TRIM5: variants seen among roughly 807,000 people sequenced by gnomAD.
TRIM5 encodes the protein tripartite motif-containing protein 5.
TRIM5 carries 31 observed loss-of-function variants against 35.6 expected under a neutral mutation model. The observed-to-expected ratio is 0.87, with a 90% confidence interval of 0.65 to 1.18. TRIM5 has a LOEUF of 1.18. TRIM5 is among the 50% of genes most tolerant of loss of function. The probability of loss-of-function intolerance (pLI) is 0.00; values close to 1 mark genes in which losing one functional copy is unlikely to be tolerated. For synonymous variants in TRIM5, 243 were observed against 215.6 expected (o/e 1.13, Z -1.11); for missense variants, 609 against 591.6 (o/e 1.03, Z -0.31).
the TRIM5 span, chr11:5,642,756 T>C: frequency 3.2e-5 from 52 of 1,604,212 alleles, 1 homozygote; most frequent in Admixed American, 1.0e-4. Flanking sequence ...AAAGAATATA[T>C]AGGTATCAGT....
At chr11:5,624,746 C>G in the TRIM5 span, 1 of 152,240 alleles carries the variant, frequency 6.6e-6, no homozygotes, top group African/African-American at 2.4e-5. Flanking sequence ...AACCAAATAT[C>G]TCTTCAGACA....
chr11:5,612,795 C>T, the TRIM5 span: 1 of 152,212 alleles, frequency 6.6e-6, no homozygotes, highest in Admixed American at 6.5e-5. Flanking sequence ...CATGCCTAGT[C>T]TGAATTGAGA....
chr11:5,674,435 C>A (rs1051649887), intron 4 of TRIM5, among the ~76,000 whole-genome samples: 3 of 152,348 alleles, frequency 2.0e-5, no homozygotes, highest in Admixed American at 1.3e-4. Flanking sequence ...TTCCATTTCA[C>A]CCCTCTTACA....
chr11:5,595,900 C>G, the TRIM5 span, among the ~76,000 whole-genome samples: 1 of 152,078 alleles, frequency 6.6e-6, no homozygotes, highest in Non-Finnish European at 1.5e-5. Flanking sequence ...CCGGGATGGT[C>G]TCAATCTCCT....
Position 5,665,653 on chromosome 11 carries a change from T to A in TRIM5, c.895+3A>T. The A allele has an allele frequency of 6.4e-7, 1 of 1,551,178 alleles. No homozygotes were observed. The highest frequency in any genetic ancestry group is 2.3e-5 in the East Asian group (1 of 44,220). On this transcript the variant is annotated splice_donor_region_variant and intron_variant, in intron 7 of 7. Transcript: ENST00000380034. ...GGCTTATGATAATGTGACTTCTCCT[T>A]ACCCCAGTAGCGTCGGACATCTGTC...
the TRIM5 span, chr11:5,604,576 C>T: frequency 1.2e-6 from 2 of 1,612,986 alleles, no homozygotes; most frequent in Non-Finnish European, 1.7e-6. Context: ...GAACGAGGAG[C>T]AGGAAGCTGA....
intron 4 of TRIM5, among the ~76,000 whole-genome samples, chr11:5,669,771 G>A (rs1176371879): frequency 2.0e-5 from 3 of 152,156 alleles, no homozygotes; most frequent in Non-Finnish European, 2.9e-5. Context: ...GCTAAGGTGA[G>A]CAGATCACTT....
chr11:5,665,992 T>C lies in TRIM5; in HGVS notation c.857A>G (p.Glu286Gly). Residue 286 changes from glutamate (E) to glycine (G), a missense_variant, in exon 6 of 8, where the codon GAA becomes GGA. Coordinates refer to ENST00000380034, the MANE Select transcript of TRIM5 (RefSeq NM_033034.3). ...CTAGCTCTCCTCACCTCTAAACACT[T>C]CTAGCATTCCTTTCAGATCAGGAGC... ...FRAPDLKGMLEVFRELTDVRR... is the reference protein window; with the variant it reads ...FRAPDLKGMLGVFRELTDVRR... The C allele has an allele frequency of 6.2e-7, 1 of 1,611,430 alleles. No individual in the cohort carries two copies. The highest frequency in any genetic ancestry group is 8.5e-7 in the Non-Finnish European group (1 of 1,179,228).
chr11:5,619,320 T>G, the TRIM5 span, among the ~76,000 whole-genome samples: 1 of 152,248 alleles, frequency 6.6e-6, no homozygotes, highest in Non-Finnish European at 1.5e-5. Context: ...GCCTCCTTCA[T>G]TCTGTTGCCA....
chr11:5,621,547 C>A, the TRIM5 span, among the ~76,000 whole-genome samples: 1 of 152,322 alleles, frequency 6.6e-6, no homozygotes, highest in African/African-American at 2.4e-5. Context: ...AGTGAGGCAC[C>A]AGAAGAATGC....
the TRIM5 span, chr11:5,641,154 C>G: frequency 6.2e-7 from 1 of 1,611,578 alleles, no homozygotes; most frequent in Non-Finnish European, 8.5e-7. Context: ...CATGTTTTCT[C>G]TTTTCTTTCT....
the TRIM5 span, among the ~76,000 whole-genome samples, chr11:5,657,519 G>A: frequency 1.5e-5 from 2 of 129,354 alleles, no homozygotes; most frequent in Non-Finnish European, 3.1e-5. Context: ...TATATATAAT[G>A]CATTATATAT....
chr11:5,613,532 G>GAGAT, the TRIM5 span, among the ~76,000 whole-genome samples: 1 of 152,192 alleles, frequency 6.6e-6, no homozygotes, highest in Non-Finnish European at 1.5e-5. Flanking sequence ...TCAATTGGAA[G>GAGAT]AGATATAAAA....
chr11:5,670,508 A>G (rs73402229), intron 4 of TRIM5, among the ~76,000 whole-genome samples: 13,350 of 152,144 alleles, frequency 0.088, 618 homozygotes, highest in Non-Finnish European at 0.097. Context: ...CTGTGGCTGG[A>G]AACAACAGGA....
In TRIM5 at chr11:5,665,712, TACAA is replaced by T; in HGVS notation, c.869-34_869-31del. The T allele has an allele frequency of 2.7e-6, 4 of 1,490,490 alleles. No individual in the cohort carries two copies. The South Asian group carries it at 6.0e-5, about 22-fold the overall frequency. The allele number at this position is 1,490,490 out of a possible 1,614,324, so 92.3% of individuals were successfully genotyped here. A position where few individuals can be genotyped will look rare whatever the true frequency, so the allele number is the denominator to read the frequency against. ...AATGATAAAAATGCACAATATTGAATACAAACAAAGGAGTCAGCACTGAAATTCA... is the reference window on the plus strand; with the variant it reads ...AATGATAAAAATGCACAATATTGAATACAAAGGAGTCAGCACTGAAATTCA... On this transcript the variant is annotated intron_variant, in intron 6 of 7. Coordinates refer to ENST00000380034, the MANE Select transcript of TRIM5 (RefSeq NM_033034.3).
At chr11:5,618,062 C>T in the TRIM5 span, among the ~76,000 whole-genome samples, 2 of 152,300 alleles carry the variant, frequency 1.3e-5, no homozygotes, top group African/African-American at 2.4e-5. Flanking sequence ...TGGAATATCA[C>T]CATGCTTATT....
chr11:5,591,873 C>T, the TRIM5 span, among the ~76,000 whole-genome samples: 1 of 150,678 alleles, frequency 6.6e-6, no homozygotes, highest in African/African-American at 2.4e-5. Context: ...TAGGCATGTT[C>T]AGGCTATGTG....
At chr11:5,599,090 C>G in the TRIM5 span, among the ~76,000 whole-genome samples, 2 of 152,262 alleles carry the variant, frequency 1.3e-5, no homozygotes, top group Non-Finnish European at 2.9e-5. Flanking sequence ...TGGGTTCTTT[C>G]ACTTTGCATG....
chr11:5,613,017 T>C, the TRIM5 span: 1 of 152,232 alleles, frequency 6.6e-6, no homozygotes, highest in East Asian at 1.9e-4. Flanking sequence ...GTGGCTTACA[T>C]TGTATTTCTA....
Sources: allele counts gnomAD v4.1 joint callset (sites outside exome capture counted in the v4.1 genomes callset), GRCh38; gene constraint gnomAD v4.1.1; transcripts MANE v1.5; gene names NCBI Gene and HGNC (gene_info 2026-07-23, HGNC 2026-07-21).